The following TADA1 variants were observed in gnomAD, a reference collection of about 807,000 sequenced individuals.
TADA1 encodes the protein transcriptional adapter 1.
TADA1 carries 23 observed loss-of-function variants against 39.3 expected under a neutral mutation model. The observed-to-expected ratio is 0.58, with a 90% CI of 0.42 to 0.83. TADA1 has a LOEUF of 0.83. Among genes scored for constraint, TADA1 ranks in the 40% least tolerant of loss-of-function variants. The pLI, the probability that TADA1 is intolerant of heterozygous loss-of-function variation, is 0.00. For synonymous variants in TADA1, 137 were observed against 151.8 expected (o/e 0.90, Z 0.72); for missense variants, 352 against 408.1 (o/e 0.86, Z 1.18).
intron 6 of TADA1, 71 bp from the exon 7 acceptor site, chr1:166,858,352 T>G: frequency 8.4e-7 from 1 of 1,193,814 alleles, no homozygotes; most frequent in Non-Finnish European, 1.1e-6. Context: ...AGTGGCCTGC[T>G]AGAATCTTAT....
intron 2 of TADA1, 100 bp downstream of exon 2, chr1:166,869,663 C>A: frequency 1.4e-6 from 2 of 1,480,870 alleles, no homozygotes; most frequent in East Asian, 2.3e-5. Context: ...CCTTATACAC[C>A]ACAAAACCAA....
chr1:166,867,560 C>T lies in TADA1; in HGVS notation c.232+1885G>A, dbSNP rs546331454. Reference sequence around the variant, plus strand: ...AACGACTTCTTTGAGGGTCAAAGAACGAGGTGTTAGGAGATCTTATGTGAA... The same window carrying T: ...AACGACTTCTTTGAGGGTCAAAGAATGAGGTGTTAGGAGATCTTATGTGAA... On this transcript the variant is annotated intron_variant, in intron 3 of 7. Coordinates refer to ENST00000367874, the MANE Select transcript of TADA1 (RefSeq NM_053053.4). Among the ~76,000 whole-genome samples the T allele has an allele frequency of 2.0e-5, 3 of 151,246 alleles. No homozygotes were observed. The South Asian group carries it at 6.3e-4, about 32-fold the overall frequency.
At chr1:166,861,000 T>C (rs1194380361) in intron 5 of TADA1, among the ~76,000 whole-genome samples, 1 of 152,188 alleles carries the variant, frequency 6.6e-6, no homozygotes, top group Non-Finnish European at 1.5e-5. Flanking sequence ...AAACTTTGTT[T>C]AAAATAGGAC....
intron 3 of TADA1, among the ~76,000 whole-genome samples, chr1:166,866,296 T>C (rs542300134): frequency 6.6e-6 from 1 of 152,356 alleles, no homozygotes; most frequent in East Asian, 1.9e-4. Context: ...CTAAGGCAAG[T>C]TTTTCTTTTG....
At chr1:166,873,452 A>T (rs1420298828) in intron 1 of TADA1, among the ~76,000 whole-genome samples, 1 of 152,202 alleles carries the variant, frequency 6.6e-6, no homozygotes, top group East Asian at 1.9e-4. Flanking sequence ...AAGGATGTTC[A>T]GACCACTGGA....
Position 166,860,292 on chromosome 1 carries a change from C to T in TADA1, c.586G>A (p.Ala196Thr). Residue 196 changes from alanine to threonine, a missense_variant, in exon 6 of 8, where the codon GCT becomes ACT. Around this residue, in one of 3 missense-constraint regions of TADA1, gnomAD observed 285 missense variants for 310.9 expected, o/e 0.92. Transcript: ENST00000367874. ...AAATGACCATCTCGTAACCGATAAG[C>T]TTTCCTTCTTGACACAACTGACGTC... ...ILTSVVSRRKAYRLRDGHFKY... is the reference protein window; with the variant it reads ...ILTSVVSRRKTYRLRDGHFKY... The T allele has an allele frequency of 6.2e-7, 1 of 1,613,772 alleles. No individual in the cohort carries two copies. Among genetic ancestry groups the T allele is most frequent in the South Asian group, 1.1e-5 (1 of 90,968 alleles).
chr1:166,861,928 C>T (rs1022100282), intron 5 of TADA1, among the ~76,000 whole-genome samples: 2 of 151,818 alleles, frequency 1.3e-5, no homozygotes, highest in Admixed American at 6.6e-5. Context: ...AGTATGGTGG[C>T]GCACGTCTAT....
Position 166,858,202 on chromosome 1 carries a change from C to A in TADA1, c.772G>T (p.Ala258Ser), listed in dbSNP as rs1658326857. 2.5e-6 allele frequency: 4 copies of A among 1,612,994 alleles called. No individual in the cohort carries two copies. The South Asian group carries it at 3.3e-5, about 13-fold the overall frequency. Residue 258 changes from alanine to serine, a missense_variant, in exon 7 of 8, where the codon GCA becomes TCA. Coordinates refer to ENST00000367874, the MANE Select transcript of TADA1 (RefSeq NM_053053.4). The stretch of plus-strand genomic sequence containing the variant: ...TCTCCGGAGCATGCCAGCAGGAGTG[C>A]AGCCTGCTGCTCAGCATCATCAGGG... Reference protein sequence around the residue: ...PPPDDAEQQAALLLACSGDTL... With the variant: ...PPPDDAEQQASLLLACSGDTL...
rs1467645833 is a variant in TADA1 at position 166,860,168 on chromosome 1, A to C, written c.692+18T>G. 8 of 1,581,386 alleles carry C rather than the reference A, an allele frequency of 5.1e-6. No individual in the cohort carries two copies. The highest frequency in any genetic ancestry group is 6.9e-6 in the Non-Finnish European group (8 of 1,165,628). Reference sequence around the variant, plus strand: ...ACTAGCAAAAGATGGAAAGAAAATCACAAGAAACTTCATTTACCTTTCTAT... The same window carrying C: ...ACTAGCAAAAGATGGAAAGAAAATCCCAAGAAACTTCATTTACCTTTCTAT... On this transcript the variant is annotated intron_variant, in intron 6 of 7. Coordinates refer to ENST00000367874, the MANE Select transcript of TADA1 (RefSeq NM_053053.4).
intron 3 of TADA1, among the ~76,000 whole-genome samples, chr1:166,868,498 C>G (rs1557910457): frequency 6.6e-6 from 1 of 152,362 alleles, no homozygotes; most frequent in Non-Finnish European, 1.5e-5. Context: ...CAACTGCCCT[C>G]TCTTCATCTC....
intron 5 of TADA1, among the ~76,000 whole-genome samples, chr1:166,861,146 C>T (rs1480720216): frequency 6.6e-6 from 1 of 152,110 alleles, no homozygotes; most frequent in Non-Finnish European, 1.5e-5. Context: ...TTTCTCTTCA[C>T]TTTCATGAGA....
rs573411494 is a variant in TADA1, at chr1:166,868,262, T to C, written c.232+1183A>G. On this transcript the variant is annotated intron_variant, in intron 3 of 7. Coordinates refer to ENST00000367874, the MANE Select transcript of TADA1 (RefSeq NM_053053.4). The stretch of plus-strand genomic sequence containing the variant: ...GCTTAATCTTCTCTTCAGGTTAAAG[T>C]GACAGGTTTCGTTTCCACCTACCCC... Among the ~76,000 whole-genome samples the C allele has an allele frequency of 2.0e-5, 3 of 152,326 alleles. No individual in the cohort carries two copies. In the South Asian group the frequency reaches 6.2e-4, roughly 32 times the overall value.
chr1:166,864,293 G>C (rs1325600539), intron 3 of TADA1, among the ~76,000 whole-genome samples: 1 of 152,288 alleles, frequency 6.6e-6, no homozygotes, highest in Non-Finnish European at 1.5e-5. Flanking sequence ...AAATATGAAA[G>C]TAAGGAAGGT....
chr1:166,862,882 T>C (rs2101788873), intron 4 of TADA1: 1 of 168,010 alleles, frequency 6.0e-6, no homozygotes, highest in South Asian at 1.5e-4. Flanking sequence ...CTATGTAGAG[T>C]AACTACTTAA....
At chr1:166,858,070 T>A (rs1442487044) in intron 7 of TADA1, 49 bp downstream of exon 7, 1 of 1,602,864 alleles carries the variant, frequency 6.2e-7, no homozygotes, top group East Asian at 2.2e-5. Context: ...TTAAAGAATC[T>A]CTTAACCTAT....
At chr1:166,863,727 C>T (rs1658467297) in intron 4 of TADA1, 97 bp downstream of exon 4, 1 of 1,103,302 alleles carries the variant, frequency 9.1e-7, no homozygotes, top group African/African-American at 1.6e-5. Context: ...TTCAACTCTA[C>T]TACCAGTATT....
intron 1 of TADA1, among the ~76,000 whole-genome samples, chr1:166,870,159 G>A (rs1408504903): frequency 6.6e-6 from 1 of 152,138 alleles, no homozygotes; most frequent in South Asian, 2.1e-4. Flanking sequence ...CCCCACAAAA[G>A]TCCTGTGTTA....
chr1:166,862,267 G>A lies in TADA1; in HGVS notation c.476C>T (p.Ala159Val). Residue 159 changes from alanine to valine, a missense_variant, in exon 5 of 8, where the codon GCT (alanine) becomes GTT (valine). Transcript: ENST00000367874. ...GQLEGRMIVT[A>V]YEHGLDNVTE... Reference sequence around the variant, plus strand: ...GACATTGTCCAGCCCATGCTCATAAGCAGTCACTATCATTCTCCCTTCAAG... The same window carrying A: ...GACATTGTCCAGCCCATGCTCATAAACAGTCACTATCATTCTCCCTTCAAG... 1.2e-6 allele frequency: 2 copies of A among 1,614,094 alleles called. No individual in the cohort carries two copies. The highest frequency in any genetic ancestry group is 1.3e-5 in the African/African-American group (1 of 75,036).
intron 3 of TADA1, among the ~76,000 whole-genome samples, chr1:166,867,804 T>A (rs1658569136): frequency 6.6e-6 from 1 of 152,050 alleles, no homozygotes; most frequent in South Asian, 2.1e-4. Context: ...GGTCTCGAAC[T>A]CCTGACCTCA....
Sources: gnomAD v4.1 joint callset for allele counts (sites outside exome capture counted in the v4.1 genomes callset) on GRCh38, gnomAD v4.1.1 for gene constraint, gnomAD v4.1.1 regional missense constraint, MANE v1.5 for transcripts, NCBI Gene and HGNC (gene_info 2026-07-23, HGNC 2026-07-21) for gene names.